Variants in PIGB observed in about 807,000 individuals in gnomAD.
The protein encoded by PIGB is GPI alpha-1,2-mannosyltransferase 3.
In PIGB, 58 loss-of-function variants were observed where a neutral mutation model predicts 68.4. The ratio of observed to expected loss-of-function variants is 0.85; its 90% confidence interval spans 0.69 to 1.06. The LOEUF is 1.06. Ranked by LOEUF, PIGB falls within the 50% of genes least tolerant of loss-of-function variation. PIGB has a pLI of 0.00. For synonymous variants in PIGB, 219 were observed against 220.5 expected, an observed-to-expected ratio of 0.99 and a Z score of 0.06; for missense variants, 634 against 655.8, an observed-to-expected ratio of 0.97 and a Z score of 0.36.
At chr15:55,354,295 C>A (rs1408243081) in intron 10 of PIGB, among the ~76,000 whole-genome samples, 3 of 150,928 alleles carry the variant, frequency 2.0e-5, no homozygotes. Context: ...GTGACGAGAG[C>A]GAAACTCTTG....
intron 3 of PIGB, among the ~76,000 whole-genome samples, chr15:55,322,866 T>C (rs1215586716): frequency 6.6e-6 from 1 of 152,192 alleles, no homozygotes; most frequent in Admixed American, 6.5e-5. Flanking sequence ...ATGCAAGGTA[T>C]CCATAAAGTC....
At chr15:55,345,827 GTC>G (rs1247643039) in intron 9 of PIGB, among the ~76,000 whole-genome samples, 1 of 152,112 alleles carries the variant, frequency 6.6e-6, no homozygotes, top group Non-Finnish European at 1.5e-5. Context: ...GTAGTTCAAA[GTC>G]TCTCTTTCCC....
intron 10 of PIGB, among the ~76,000 whole-genome samples, chr15:55,354,397 A>G (rs1031755100): frequency 6.6e-6 from 1 of 152,036 alleles, no homozygotes; most frequent in Admixed American, 6.6e-5. Context: ...TCTGATTATG[A>G]TCACAGTTTC....
intron 11 of PIGB, 40 bp downstream of exon 11, chr15:55,355,018 T>C (rs1249634993): frequency 6.6e-7 from 1 of 1,521,776 alleles, no homozygotes; most frequent in East Asian, 2.3e-5. Flanking sequence ...AGTATTTTAA[T>C]TTTACCCCAG....
chr15:55,340,524 A>G (rs1381634922), intron 7 of PIGB, 88 bp from the exon 8 acceptor site: 1 of 754,584 alleles, frequency 1.3e-6, no homozygotes, highest in African/African-American at 1.8e-5. Flanking sequence ...ATTCTGATTT[A>G]ATGTCAAAAT....
At chr15:55,341,433 G>A (rs1025186490) in intron 8 of PIGB, among the ~76,000 whole-genome samples, 2 of 152,164 alleles carry the variant, frequency 1.3e-5, no homozygotes, top group African/African-American at 4.8e-5. Flanking sequence ...AAATAAAAAT[G>A]TATGTATCCT....
chr15:55,331,997 A>T (rs1422145711), intron 5 of PIGB, among the ~76,000 whole-genome samples: 1 of 150,614 alleles, frequency 6.6e-6, no homozygotes, highest in African/African-American at 2.4e-5. Context: ...TTTTTTTTCG[A>T]GACAGTGTCT....
Position 55,352,124 on chromosome 15 carries a change from T to G in PIGB, c.1337+1212T>G, listed in dbSNP as rs1396963531. Among the ~76,000 whole-genome samples, 3 of 151,658 alleles carry G rather than the reference T, an allele frequency of 2.0e-5. No individual in the cohort carries two copies. The South Asian group carries it at 6.3e-4, about 32-fold the overall frequency. On this transcript the variant is annotated intron_variant, in intron 10 of 11. Transcript: ENST00000164305. The stretch of plus-strand genomic sequence containing the variant: ...CCACCATGCCCGGCTAATTTTGTAT[T>G]TTTATTGGAGACAGGGTTTCTCCAT...
intron 5 of PIGB, among the ~76,000 whole-genome samples, chr15:55,331,271 G>A (rs1377877807): frequency 6.6e-6 from 1 of 152,036 alleles, no homozygotes; most frequent in Non-Finnish European, 1.5e-5. Context: ...TGGCTACCTG[G>A]GCCCAGGTGC....
intron 11 of PIGB, 27 bp from the exon 12 acceptor site, chr15:55,355,259 T>A (rs1478971499): frequency 6.4e-7 from 1 of 1,571,644 alleles, no homozygotes; most frequent in East Asian, 2.2e-5. Flanking sequence ...GTAGCCTTTA[T>A]TTACTTAAAC....
chr15:55,354,847 C>G lies in PIGB; in HGVS notation c.1387C>G (p.Leu463Val). The G allele has an allele frequency of 6.2e-7, 1 of 1,613,730 alleles. No individual in the cohort carries two copies. Among genetic ancestry groups the G allele is most frequent in the Middle Eastern group, 1.6e-4 (1 of 6,062 alleles). ...PMRFLQCPPDLTGKSHYLDEA... is the reference protein window; with the variant it reads ...PMRFLQCPPDVTGKSHYLDEA... Reference sequence around the variant, plus strand: ...GAGATTTCTCCAGTGCCCGCCAGACCTGACTGGAAAAAGTCATTATCTTGA... The same window carrying G: ...GAGATTTCTCCAGTGCCCGCCAGACGTGACTGGAAAAAGTCATTATCTTGA... Residue 463 changes from leucine to valine, a missense_variant, in exon 11 of 12, where the codon CTG becomes GTG. By Grantham distance (32) the Leu-to-Val change is conservative. Coordinates refer to ENST00000164305, the MANE Select transcript of PIGB (RefSeq NM_004855.5).
At position 55,355,441 on chromosome 15, in the gene PIGB, A is replaced by G. The variant is rs2056059247; in HGVS notation, c.*9A>G. ...TGAAGATGAAATTCTGAACTTTCCT[A>G]GATAAATTAACATTGCTGGGTGGAA... On this transcript the variant is annotated 3_prime_UTR_variant, in exon 12 of 12. Coordinates refer to ENST00000164305, the MANE Select transcript of PIGB (RefSeq NM_004855.5). 6.3e-7 allele frequency: 1 copy of G among 1,599,316 alleles called. No individual in the cohort carries two copies. Among genetic ancestry groups the G allele is most frequent in the Admixed American group, 1.7e-5 (1 of 57,684 alleles).
At chr15:55,340,938 G>A (rs1036561095) in intron 8 of PIGB, 115 bp downstream of exon 8, 60 of 652,480 alleles carry the variant, frequency 9.2e-5, no homozygotes, top group Non-Finnish European at 1.3e-4. Context: ...TTGTTAGTGG[G>A]AATTATCTTA....
chr15:55,324,049 G>A (rs1395735352), intron 3 of PIGB, among the ~76,000 whole-genome samples: 7 of 152,116 alleles, frequency 4.6e-5, no homozygotes, highest in Non-Finnish European at 1.0e-4. Flanking sequence ...CACCACACCT[G>A]GCTAATTTTT....
chr15:55,336,576 A>G (rs1286042375), intron 6 of PIGB, among the ~76,000 whole-genome samples: 1 of 152,248 alleles, frequency 6.6e-6, no homozygotes, highest in Non-Finnish European at 1.5e-5. Flanking sequence ...CATGTAATTC[A>G]TTGAATACTG....
chr15:55,333,912 C>A lies in PIGB; in HGVS notation c.699C>A (p.Pro233=), dbSNP rs1399668221. Residue 233 remains proline (P), a synonymous_variant, in exon 6 of 12, where the codon CCC becomes CCA. Transcript: ENST00000164305. The part of the protein sequence containing the change: ...SLVALAFIIR[P]TAVILWTPLL... Reference sequence around the variant, plus strand: ...TGGCACTTGCCTTCATAATTCGTCCCACAGCTGTCATTCTGTGGACACCTT... The same window carrying A: ...TGGCACTTGCCTTCATAATTCGTCCAACAGCTGTCATTCTGTGGACACCTT... 2 of 1,608,702 alleles carry A rather than the reference C, an allele frequency of 1.2e-6. No individual in the cohort carries two copies. Among genetic ancestry groups the A allele is most frequent in the East Asian group, 2.2e-5 (1 of 44,568 alleles).
chr15:55,345,783 C>T (rs2055779991), intron 9 of PIGB, among the ~76,000 whole-genome samples: 1 of 152,068 alleles, frequency 6.6e-6, no homozygotes, highest in Non-Finnish European at 1.5e-5. Context: ...CTTCTTGATA[C>T]CTTCATCTGT....
In PIGB at chr15:55,343,772, A is replaced by G. The variant is rs76185471; in HGVS notation, c.1123+1970A>G. 3.3e-5 allele frequency among the ~76,000 whole-genome samples: 5 copies of G among 152,274 alleles called. No homozygotes were observed. The East Asian group carries it at 9.6e-4, about 29-fold the overall frequency. On this transcript the variant is annotated intron_variant, in intron 9 of 11. Transcript: ENST00000164305. The stretch of plus-strand genomic sequence containing the variant: ...AGACAGCAACCTAGAAAACCCCTTG[A>G]TCTCCTCACAGGATGCATTCTTTTC...
intron 3 of PIGB, among the ~76,000 whole-genome samples, chr15:55,321,981 C>A (rs920703224): frequency 2.0e-5 from 3 of 150,244 alleles, no homozygotes; most frequent in Non-Finnish European, 4.4e-5. Context: ...TCGAGACCAG[C>A]CTGACCAACA....
Sources: allele counts gnomAD v4.1 joint callset (sites outside exome capture counted in the v4.1 genomes callset), GRCh38; gene constraint gnomAD v4.1.1; transcripts MANE v1.5; gene names NCBI Gene and HGNC (gene_info 2026-07-23, HGNC 2026-07-21).